Variants in RCAN1 observed in about 807,000 individuals in gnomAD.
The protein encoded by RCAN1 is calcipressin-1.
RCAN1 carries 11 observed loss-of-function variants against 22.9 expected under a neutral mutation model. The observed-to-expected ratio is 0.48, with a 90% CI of 0.30 to 0.79. The LOEUF (loss-of-function observed/expected upper bound fraction) is 0.79. RCAN1 is among the 30% of genes least tolerant of loss of function. The pLI is 0.06. For missense variants in RCAN1, 291 were observed against 337.8 expected (o/e 0.86, Z 1.09); for synonymous variants, 136 against 142.3 (o/e 0.96, Z 0.32).
rs371819994 is a variant in RCAN1, at chr21:34,577,943, C to T, written c.252+36817G>A. On this transcript the variant is annotated intron_variant, in intron 1 of 3. Transcript: ENST00000313806. ...TCAGGAACAGATCAAGGCTCAGCTT[C>T]GGACACAGTGTGAAAAGTCTGCGGC... Among the ~76,000 whole-genome samples the T allele has an allele frequency of 3.9e-5, 6 of 152,196 alleles. No homozygotes were observed. In the East Asian group the frequency reaches 1.2e-3, roughly 29 times the overall value.
chr21:34,575,829 A>T (rs1014431017), intron 1 of RCAN1, among the ~76,000 whole-genome samples: 6 of 152,206 alleles, frequency 3.9e-5, no homozygotes, highest in Admixed American at 2.0e-4. Flanking sequence ...CGGTGTGTTA[A>T]GGGACCACTA....
At chr21:34,536,531 C>T (rs1400299275) in intron 1 of RCAN1, among the ~76,000 whole-genome samples, 1 of 152,150 alleles carries the variant, frequency 6.6e-6, no homozygotes, top group African/African-American at 2.4e-5. Context: ...CCTTCACACG[C>T]AAAGTAGGAA....
At chr21:34,555,571 CA>C (rs10683737) in intron 1 of RCAN1, among the ~76,000 whole-genome samples, 174 of 131,022 alleles carry the variant, frequency 1.3e-3, no homozygotes, top group African/African-American at 3.2e-3. Context: ...GGCTGTGTCT[CA>C]AAAAAAAAAA....
intron 1 of RCAN1, among the ~76,000 whole-genome samples, chr21:34,598,500 G>T (rs572547817): frequency 1.1e-4 from 16 of 152,270 alleles, no homozygotes; most frequent in African/African-American, 3.9e-4. Flanking sequence ...ACATGCAAAC[G>T]AGAAAACCAG....
intron 1 of RCAN1, among the ~76,000 whole-genome samples, chr21:34,552,578 G>A (rs556073210): frequency 6.6e-6 from 1 of 152,068 alleles, no homozygotes; most frequent in East Asian, 1.9e-4. Context: ...AAAGGCATCA[G>A]AATCAATGGA....
rs559483158 is a variant in RCAN1 at position 34,572,878 on chromosome 21, T to C, written c.252+41882A>G. 5.0e-4 allele frequency among the ~76,000 whole-genome samples: 76 copies of C among 152,274 alleles called. 1 individual carries two copies. The Middle Eastern group carries it at 0.014, about 27-fold the overall frequency. On this transcript the variant is annotated intron_variant, in intron 1 of 3. Transcript: ENST00000313806. Reference sequence around the variant, plus strand: ...AGAGAGACAGTGAAAGGGGAGATGCTATACACTCTTAAACAACCAGATCTC... The same window carrying C: ...AGAGAGACAGTGAAAGGGGAGATGCCATACACTCTTAAACAACCAGATCTC...
In RCAN1 at chr21:34,570,336, G is replaced by A. The variant is rs112587290; in HGVS notation, c.252+44424C>T. ...GAAAGAAGGAGCTTTTTAAGCACAA[G>A]GATTCTCAAAAAGACTAGAGTGATT... On this transcript the variant is annotated intron_variant, in intron 1 of 3. Coordinates refer to ENST00000313806, the MANE Select transcript of RCAN1 (RefSeq NM_004414.7). Among the ~76,000 whole-genome samples the A allele has an allele frequency of 8.5e-5, 13 of 152,300 alleles. 1 individual carries two copies. Among genetic ancestry groups the A allele is most frequent in the African/African-American group, 3.1e-4 (13 of 41,578 alleles).
chr21:34,532,161 A>T (rs1985425405), intron 1 of RCAN1, among the ~76,000 whole-genome samples: 1 of 152,092 alleles, frequency 6.6e-6, no homozygotes, highest in African/African-American at 2.4e-5. Context: ...CTTGCTGAAG[A>T]CAGGCCCGGG....
intron 1 of RCAN1, among the ~76,000 whole-genome samples, chr21:34,534,368 C>G (rs1985569679): frequency 6.6e-6 from 1 of 152,004 alleles, no homozygotes; most frequent in African/African-American, 2.4e-5. Flanking sequence ...GCTCCCCCAT[C>G]CCCCAACTAA....
At chr21:34,544,529 A>G (rs1005697900) in intron 1 of RCAN1, among the ~76,000 whole-genome samples, 1 of 152,254 alleles carries the variant, frequency 6.6e-6, no homozygotes, top group Non-Finnish European at 1.5e-5. Flanking sequence ...TCTGACCTAC[A>G]GACCTGTCAA....
chr21:34,521,251 C>G (rs1197181001), intron 3 of RCAN1: 8 of 1,435,008 alleles, frequency 5.6e-6, no homozygotes, highest in Non-Finnish European at 7.3e-6. Flanking sequence ...TGGGACACTG[C>G]GGGGGGTGGA....
At chr21:34,594,616 C>A (rs898559551) in intron 1 of RCAN1, among the ~76,000 whole-genome samples, 1 of 152,122 alleles carries the variant, frequency 6.6e-6, no homozygotes, top group South Asian at 2.1e-4. Flanking sequence ...GACCCTCAGG[C>A]CCCTAAGTCA....
chr21:34,599,788 C>G (rs1988275426), intron 1 of RCAN1, among the ~76,000 whole-genome samples: 1 of 152,164 alleles, frequency 6.6e-6, no homozygotes, highest in Non-Finnish European at 1.5e-5. Flanking sequence ...AAAAAATCAT[C>G]TAACGAATGT....
At chr21:34,549,402 G>C (rs1986275023) in intron 1 of RCAN1, among the ~76,000 whole-genome samples, 1 of 152,122 alleles carries the variant, frequency 6.6e-6, no homozygotes, top group African/African-American at 2.4e-5. Context: ...ACCTGAAGGT[G>C]GTTCAGGTGA....
intron 1 of RCAN1, among the ~76,000 whole-genome samples, chr21:34,541,386 C>T (rs186207377): frequency 6.6e-6 from 1 of 152,296 alleles, no homozygotes; most frequent in African/African-American, 2.4e-5. Context: ...GGAAAGCTTT[C>T]CCCAATCAAC....
intron 1 of RCAN1, among the ~76,000 whole-genome samples, chr21:34,550,949 A>G (rs2247749): frequency 0.24 from 36,728 of 152,154 alleles, 5,174 homozygotes; most frequent in African/African-American, 0.39. Flanking sequence ...GTATCCTGCT[A>G]TCAACTAATA....
At chr21:34,581,879 C>A (rs1025308479) in intron 1 of RCAN1, among the ~76,000 whole-genome samples, 3 of 152,168 alleles carry the variant, frequency 2.0e-5, no homozygotes, top group Non-Finnish European at 2.9e-5. Flanking sequence ...CCATTTAGGT[C>A]GCAGAATTGG....
chr21:34,517,909 G>A lies in RCAN1; in HGVS notation c.*175C>T, dbSNP rs1331785623. The A allele has an allele frequency of 2.0e-5, 14 of 704,894 alleles. No homozygotes were observed. The highest frequency in any genetic ancestry group is 7.1e-6 in the Non-Finnish European group (3 of 424,504). 43.7% of individuals were successfully genotyped at this position (704,894 alleles called of 1,614,324 possible). A position where few individuals can be genotyped will look rare whatever the true frequency, so the allele number is the denominator to read the frequency against. ...CCGGGTGCCATGAACAGTAACTGGT[G>A]TGCAGCATTAGAACAAGGGGACACG... On this transcript the variant is annotated 3_prime_UTR_variant, in exon 4 of 4. Coordinates refer to ENST00000313806, the MANE Select transcript of RCAN1 (RefSeq NM_004414.7).
chr21:34,550,368 C>T (rs8133516), intron 1 of RCAN1, among the ~76,000 whole-genome samples: 36,712 of 152,066 alleles, frequency 0.24, 5,168 homozygotes, highest in African/African-American at 0.39. Flanking sequence ...GAGTCCTAAC[C>T]GTCCTGGTAC....
Sources: allele counts gnomAD v4.1 joint callset (sites outside exome capture counted in the v4.1 genomes callset), GRCh38; gene constraint gnomAD v4.1.1; transcripts MANE v1.5; gene names NCBI Gene and HGNC (gene_info 2026-07-23, HGNC 2026-07-21).